The following ATAD1 variants were observed in gnomAD, a reference collection of about 807,000 sequenced individuals.
ATAD1 encodes outer mitochondrial transmembrane helix translocase.
Under a neutral mutation model 42.7 loss-of-function variants are expected in ATAD1, and 18 were observed. That is an observed-to-expected ratio of 0.42 (90% CI 0.29 to 0.63). The LOEUF is 0.63. Among genes scored for constraint, ATAD1 ranks in the 20% least tolerant of loss-of-function variants. ATAD1 has a pLI of 0.19. For synonymous variants in ATAD1, 132 were observed against 143.1 expected (o/e 0.92, Z 0.55); for missense variants, 294 against 440.4 (o/e 0.67, Z 2.98).
chr10:87,776,230 G>C (rs867563769), intron 6 of ATAD1, 91 bp downstream of exon 6: 1 of 884,704 alleles, frequency 1.1e-6, no homozygotes, highest in Admixed American at 2.3e-5. Flanking sequence ...TGAAAAAAAA[G>C]TTTGTACAAA....
In ATAD1 at chr10:87,779,891, A is replaced by C. The variant is rs12256039; in HGVS notation, c.584-3464T>G. Among the ~76,000 whole-genome samples the C allele has an allele frequency of 7.8e-3, 1,185 of 152,330 alleles. 11 individuals carry two copies. Among genetic ancestry groups the C allele is most frequent in the African/African-American group, 0.027 (1,132 of 41,568 alleles). On this transcript the variant is annotated intron_variant, in intron 5 of 9. Coordinates refer to ENST00000680024, the MANE Select transcript of ATAD1 (RefSeq NM_001321967.2). Reference sequence around the variant, plus strand: ...TGCTGGTGGAAATGCAAAATGGTACAGCCACTTTGGAAGACAGTTTGCTAG... The same window carrying C: ...TGCTGGTGGAAATGCAAAATGGTACCGCCACTTTGGAAGACAGTTTGCTAG...
rs3736057 is a variant in ATAD1 at position 87,790,289 on chromosome 10, G to T, written c.382+21C>A. On this transcript the variant is annotated intron_variant, in intron 4 of 9. Coordinates refer to ENST00000680024, the MANE Select transcript of ATAD1 (RefSeq NM_001321967.2). Reference sequence around the variant, plus strand: ...TTTCTAGGATTTTAATGCTTTAGGCGAATATATACCTTTACCATACCTTTT... The same window carrying T: ...TTTCTAGGATTTTAATGCTTTAGGCTAATATATACCTTTACCATACCTTTT... 14 of 1,598,144 alleles carry T rather than the reference G, an allele frequency of 8.8e-6. No homozygotes were observed. In the East Asian group the frequency reaches 2.5e-4, roughly 28 times the overall value.
At chr10:87,792,548 AG>A (rs1856175169) in intron 3 of ATAD1, 108 bp downstream of exon 3, 1 of 730,912 alleles carries the variant, frequency 1.4e-6, no homozygotes, top group Admixed American at 2.6e-5. Context: ...CTTATGATTC[AG>A]CCTAGAGAAT....
chr10:87,772,943 G>A (rs1265975585), intron 6 of ATAD1, among the ~76,000 whole-genome samples: 4 of 152,172 alleles, frequency 2.6e-5, no homozygotes, highest in African/African-American at 4.8e-5. Context: ...TGTGTTAGTT[G>A]TTCAAACTTT....
chr10:87,819,667 G>A (rs1436655321), upstream of ATAD1, among the ~76,000 whole-genome samples: 1 of 152,088 alleles, frequency 6.6e-6, no homozygotes, highest in African/African-American at 2.4e-5. Context: ...TTAAACCTTA[G>A]AGAAACTTTT....
At chr10:87,791,371 A>G (rs1270247728) in intron 3 of ATAD1, among the ~76,000 whole-genome samples, 1 of 152,162 alleles carries the variant, frequency 6.6e-6, no homozygotes, top group African/African-American at 2.4e-5. Flanking sequence ...GCCAATCAGA[A>G]GCAATACTTT....
intron 4 of ATAD1, among the ~76,000 whole-genome samples, chr10:87,786,235 T>C (rs749894127): frequency 6.6e-6 from 1 of 152,218 alleles, no homozygotes; most frequent in African/African-American, 2.4e-5. Flanking sequence ...GGTTTTTATA[T>C]TGTTACACTT....
At chr10:87,816,931 T>C (rs556488942) in intron 1 of ATAD1, among the ~76,000 whole-genome samples, 9 of 152,208 alleles carry the variant, frequency 5.9e-5, no homozygotes, top group African/African-American at 1.4e-4. Context: ...TGGATATTCA[T>C]TGAACTACAT....
intron 1 of ATAD1, chr10:87,817,656 G>A (rs918916569): frequency 1.1e-6 from 1 of 913,622 alleles, no homozygotes; most frequent in Admixed American, 6.2e-5. Flanking sequence ...TACAGCCTAT[G>A]ACAATGAAGG....
At chr10:87,839,298 G>A (rs1291622236) in intron 1 of ATAD1, among the ~76,000 whole-genome samples, 1 of 152,116 alleles carries the variant, frequency 6.6e-6, no homozygotes. Context: ...AGGTGACCTA[G>A]GTCCTGTTTG....
At chr10:87,826,356 AC>A (rs1250904418) in intron 1 of ATAD1, among the ~76,000 whole-genome samples, 1 of 152,184 alleles carries the variant, frequency 6.6e-6, no homozygotes, top group Non-Finnish European at 1.5e-5. Context: ...CAATTCTGAA[AC>A]CTTTGAATGT....
intron 1 of ATAD1, among the ~76,000 whole-genome samples, chr10:87,839,709 C>T (rs1203952031): frequency 3.3e-5 from 5 of 152,012 alleles, no homozygotes; most frequent in Admixed American, 6.6e-5. Context: ...CTTTCTTCCC[C>T]CCCGCCGCCC....
chr10:87,796,407 A>G (rs1482424972), intron 2 of ATAD1, among the ~76,000 whole-genome samples: 1 of 152,226 alleles, frequency 6.6e-6, no homozygotes, highest in Non-Finnish European at 1.5e-5. Flanking sequence ...TAAGAAATTC[A>G]AAAGAATGCA....
Position 87,773,791 on chromosome 10 carries a change from C to T in ATAD1, c.690+2530G>A, listed in dbSNP as rs1855163035. On this transcript the variant is annotated intron_variant, in intron 6 of 9. Transcript: ENST00000680024. ...ATCCCCTGCTGAAAATAGTTGAACA[C>T]TATGCTCTGACAGGGTACATAATAT... Among the ~76,000 whole-genome samples, 4 of 152,174 alleles carry T rather than the reference C, an allele frequency of 2.6e-5. No individual in the cohort carries two copies. In the South Asian group the frequency reaches 8.3e-4, roughly 31 times the overall value.
chr10:87,796,768 C>T (rs1010359166), intron 2 of ATAD1, among the ~76,000 whole-genome samples: 2 of 152,220 alleles, frequency 1.3e-5, no homozygotes, highest in Admixed American at 6.5e-5. Context: ...CGGAGCTTGA[C>T]ACCAGCATGA....
At chr10:87,810,523 C>T (rs1458378764) in intron 2 of ATAD1, among the ~76,000 whole-genome samples, 1 of 152,052 alleles carries the variant, frequency 6.6e-6, no homozygotes, top group Non-Finnish European at 1.5e-5. Flanking sequence ...TATTTTCAGG[C>T]TACATCAATA....
At chr10:87,822,331 A>C (rs900062619), upstream of ATAD1, among the ~76,000 whole-genome samples, 2 of 152,164 alleles carry the variant, frequency 1.3e-5, no homozygotes, top group Non-Finnish European at 2.9e-5. Context: ...TGACAAGGTA[A>C]ATTAAGTAGA....
chr10:87,807,367 G>A (rs1336414530), intron 2 of ATAD1, among the ~76,000 whole-genome samples: 1 of 151,990 alleles, frequency 6.6e-6, no homozygotes, highest in East Asian at 1.9e-4. Context: ...ACTAGATAAT[G>A]CCAAACTATC....
chr10:87,757,281 A>G (rs1382246722), intron 8 of ATAD1, among the ~76,000 whole-genome samples: 1 of 151,392 alleles, frequency 6.6e-6, no homozygotes, highest in African/African-American at 2.4e-5. Flanking sequence ...TTACAAAAAA[A>G]AAAAAACAAA....
Sources: allele counts gnomAD v4.1 joint callset (sites outside exome capture counted in the v4.1 genomes callset), GRCh38; gene constraint gnomAD v4.1.1; transcripts MANE v1.5; gene names NCBI Gene and HGNC (gene_info 2026-07-23, HGNC 2026-07-21).